The following PIN1 variants were observed in gnomAD, a reference collection of about 807,000 sequenced individuals.
PIN1 encodes peptidyl-prolyl cis-trans isomerase NIMA-interacting 1.
A neutral mutation model predicts 19.9 loss-of-function variants in PIN1; 8 were observed. That is an observed-to-expected ratio of 0.40 (90% CI 0.24 to 0.72). The LOEUF is 0.72. Among genes scored for constraint, PIN1 ranks in the 30% least tolerant of loss-of-function variants. The pLI is 0.37. For synonymous variants in PIN1, 86 were observed against 90.8 expected, an observed-to-expected ratio of 0.95 and a Z score of 0.30; for missense variants, 185 against 226.5, an observed-to-expected ratio of 0.82 and a Z score of 1.18.
In PIN1 at chr19:9,849,330, A is replaced by G. The variant is rs2046252614; in HGVS notation, c.*131A>G. 1.4e-6 allele frequency: 1 copy of G among 739,748 alleles called. No individual in the cohort carries two copies. Among genetic ancestry groups the G allele is most frequent in the Middle Eastern group, 2.3e-4 (1 of 4,438 alleles). The allele number at this position is 739,748 out of a possible 1,614,324, so 45.8% of individuals were successfully genotyped here. The stretch of plus-strand genomic sequence containing the variant: ...TCACACAGTATTTATTGTTCCCACA[A>G]TGGCTGGGAGGGGGCCCTTCCAGAT... On this transcript the variant is annotated 3_prime_UTR_variant, in exon 4 of 4. Transcript: ENST00000247970.
intron 2 of PIN1, among the ~76,000 whole-genome samples, chr19:9,847,705 CAT>C (rs71188842): frequency 0.45 from 67,498 of 151,634 alleles, 16,495 homozygotes; most frequent in Admixed American, 0.56. Context: ...TGTGTGTGTG[CAT>C]GTGTGTGTGC....
chr19:9,846,833 G>A lies in PIN1; in HGVS notation c.272-1197G>A, dbSNP rs1352524741. Among the ~76,000 whole-genome samples, 1 of 152,170 alleles carries A rather than the reference G, an allele frequency of 6.6e-6. No individual in the cohort carries two copies. The highest frequency in any genetic ancestry group is 1.5e-5 in the Non-Finnish European group (1 of 68,008). On this transcript the variant is annotated intron_variant, in intron 2 of 3. Transcript: ENST00000247970. The surrounding 1 kb of genome is among the most constrained non-coding windows in gnomAD (Gnocchi z 5.9). ...GGTAGAAGTGTCAGGGTGACATTAA[G>A]AAACCCCCTACTGAGTGTGTCAGGG...
chr19:9,848,737 G>A, intron 3 of PIN1: 1 of 320,944 alleles, frequency 3.1e-6, no homozygotes, highest in South Asian at 3.6e-5. Flanking sequence ...GCCAGCAGCT[G>A]CCCACCTCCT....
chr19:9,837,407 GC>G (rs1383395930), intron 1 of PIN1: 3 of 156,704 alleles, frequency 1.9e-5, no homozygotes, highest in Non-Finnish European at 4.2e-5. Context: ...ACCTGCCTCA[GC>G]CTCCCAAAGT....
chr19:9,839,521 C>G (rs1351581383), intron 2 of PIN1, among the ~76,000 whole-genome samples: 1 of 152,000 alleles, frequency 6.6e-6, no homozygotes, highest in East Asian at 1.9e-4. Context: ...CCTCTGCAGT[C>G]TGGCACCAAG....
At chr19:9,837,905 G>A (rs2046125713) in intron 1 of PIN1, 1 of 171,434 alleles carries the variant, frequency 5.8e-6, no homozygotes, top group African/African-American at 2.4e-5. Context: ...AAAGTGCTGG[G>A]ATTACAGGTG....
rs1490044541 is a variant in PIN1 at position 9,846,739 on chromosome 19, A to C, written c.272-1291A>C. On this transcript the variant is annotated intron_variant, in intron 2 of 3. Transcript: ENST00000247970. This position sits in a 1 kb window ranked among gnomAD's most constrained non-coding sequence, Gnocchi z 5.9. ...CCAACAGGCTCCAGGCCAGTGTATC[A>C]GCTATGTATGTCCTGGGCAAGTTGG... Among the ~76,000 whole-genome samples the C allele has an allele frequency of 1.3e-5, 2 of 152,062 alleles. No homozygotes were observed. Among genetic ancestry groups the C allele is most frequent in the Non-Finnish European group, 2.9e-5 (2 of 67,978 alleles).
At chr19:9,845,988 A>G (rs926650764) in intron 2 of PIN1, among the ~76,000 whole-genome samples, 1 of 152,036 alleles carries the variant, frequency 6.6e-6, no homozygotes, top group Admixed American at 6.6e-5. Context: ...AGTGGTCCAG[A>G]CAGAAGGGGG....
chr19:9,847,945 G>C, intron 2 of PIN1, 85 bp from the exon 3 acceptor site: 1 of 839,278 alleles, frequency 1.2e-6, no homozygotes, highest in South Asian at 1.3e-5. Flanking sequence ...CTCCCCCGCT[G>C]GCCAGCTCTG....
Position 9,849,662 on chromosome 19 carries a change from C to G in PIN1, c.*463C>G, listed in dbSNP as rs745830137. ...GCAACTGTGCAGCACCCTTTCACCC[C>G]CAATTAAACCCAGAACCACTGCTCT... is the stretch of plus-strand genomic sequence containing the variant. On this transcript the variant is annotated 3_prime_UTR_variant, in exon 4 of 4. Coordinates refer to ENST00000247970, the MANE Select transcript of PIN1 (RefSeq NM_006221.4). 33 of 514,496 alleles carry G rather than the reference C, an allele frequency of 6.4e-5. No individual in the cohort carries two copies. Among genetic ancestry groups the G allele is most frequent in the Admixed American group, 1.2e-4 (6 of 50,814 alleles). 31.9% of individuals were successfully genotyped at this position (514,496 alleles called of 1,614,324 possible).
At position 9,844,439 on chromosome 19, in the gene PIN1, C is replaced by T. The variant is rs943893497; in HGVS notation, c.272-3591C>T. Reference sequence around the variant, plus strand: ...TGGAGTCTGGAGTCAGCACCCATAACATGTCCTCCTGGACCTTGGGGATAC... The same window carrying T: ...TGGAGTCTGGAGTCAGCACCCATAATATGTCCTCCTGGACCTTGGGGATAC... On this transcript the variant is annotated intron_variant, in intron 2 of 3. Transcript: ENST00000247970. 2.6e-5 allele frequency among the ~76,000 whole-genome samples: 4 copies of T among 152,226 alleles called. No individual in the cohort carries two copies. The East Asian group carries it at 7.7e-4, about 29-fold the overall frequency.
chr19:9,838,028 C>T lies in PIN1; in HGVS notation c.59-408C>T. 1 of 305,796 alleles carries T rather than the reference C, an allele frequency of 3.3e-6. No homozygotes were observed. Among genetic ancestry groups the T allele is most frequent in the Non-Finnish European group, 6.4e-6 (1 of 156,402 alleles). 18.9% of individuals were successfully genotyped at this position (305,796 alleles called of 1,614,324 possible). ...ATTTTGCAGGTGAGAACACCAAGGCCCAGGGAAGATATATCACATTTGAAC... is the reference window on the plus strand; with the variant it reads ...ATTTTGCAGGTGAGAACACCAAGGCTCAGGGAAGATATATCACATTTGAAC... On this transcript the variant is annotated intron_variant, in intron 1 of 3. Transcript: ENST00000247970. This position sits in a 1 kb window ranked among gnomAD's most constrained non-coding sequence, Gnocchi z 5.8.
intron 1 of PIN1, chr19:9,835,733 C>T: frequency 2.8e-6 from 1 of 356,792 alleles, no homozygotes; most frequent in Non-Finnish European, 5.0e-6. Context: ...CTTGCTGGGC[C>T]CGGGGGCACC....
chr19:9,849,096 T>TG lies in PIN1; in HGVS notation c.390dup (p.Gln131AlafsTer5). 6.2e-7 allele frequency: 1 copy of TG among 1,612,082 alleles called. No homozygotes were observed. Among genetic ancestry groups the TG allele is most frequent in the Non-Finnish European group, 8.5e-7 (1 of 1,178,286 alleles). On this transcript the variant is annotated frameshift_variant, in exon 4 of 4. Coordinates refer to ENST00000247970, the MANE Select transcript of PIN1 (RefSeq NM_006221.4). LOFTEE classifies it high-confidence loss of function. ...CGCCCCTCCTGGCTCCCAGGTCAGATGCAGAAGCCATTTGAAGACGCCTCG... is the reference window on the plus strand; with the variant it reads ...CGCCCCTCCTGGCTCCCAGGTCAGATGGCAGAAGCCATTTGAAGACGCCTCG...
intron 3 of PIN1, 39 bp from the exon 4 acceptor site, chr19:9,849,051 C>G: frequency 7.1e-7 from 1 of 1,407,198 alleles, no homozygotes; most frequent in African/African-American, 1.4e-5. Flanking sequence ...CCTCTGCCAG[C>G]CCAGCCCTGA....
Position 9,849,535 on chromosome 19 carries a change from G to T in PIN1, c.*336G>T, listed in dbSNP as rs2046255067. 3.2e-6 allele frequency: 2 copies of T among 626,160 alleles called. No homozygotes were observed. Among genetic ancestry groups the T allele is most frequent in the African/African-American group, 3.6e-5 (2 of 55,682 alleles). 38.8% of individuals were successfully genotyped at this position (626,160 alleles called of 1,614,324 possible). ...AGAGCCGCCCCGTGTCCCCCCAGGTGCTGGAGGCAGACTCGAGGGCCGAAT... is the reference window on the plus strand; with the variant it reads ...AGAGCCGCCCCGTGTCCCCCCAGGTTCTGGAGGCAGACTCGAGGGCCGAAT... On this transcript the variant is annotated 3_prime_UTR_variant, in exon 4 of 4. Coordinates refer to ENST00000247970, the MANE Select transcript of PIN1 (RefSeq NM_006221.4).
chr19:9,846,749 G>A lies in PIN1; in HGVS notation c.272-1281G>A, dbSNP rs1168950812. Among the ~76,000 whole-genome samples, 1 of 152,202 alleles carries A rather than the reference G, an allele frequency of 6.6e-6. No individual in the cohort carries two copies. The highest frequency in any genetic ancestry group is 1.9e-4 in the East Asian group (1 of 5,196). On this transcript the variant is annotated intron_variant, in intron 2 of 3. Coordinates refer to ENST00000247970, the MANE Select transcript of PIN1 (RefSeq NM_006221.4). This position sits in a 1 kb window ranked among gnomAD's most constrained non-coding sequence, Gnocchi z 5.9. Reference sequence around the variant, plus strand: ...CCAGGCCAGTGTATCAGCTATGTATGTCCTGGGCAAGTTGGCCGGCAGGTG... The same window carrying A: ...CCAGGCCAGTGTATCAGCTATGTATATCCTGGGCAAGTTGGCCGGCAGGTG...
At chr19:9,845,839 G>A (rs962508624) in intron 2 of PIN1, among the ~76,000 whole-genome samples, 1 of 152,210 alleles carries the variant, frequency 6.6e-6, no homozygotes, top group Non-Finnish European at 1.5e-5. Flanking sequence ...CCCAGCCCTG[G>A]CCGCTGGGGG....
chr19:9,847,600 CG>C lies in PIN1; in HGVS notation c.272-424del, dbSNP rs1366044278. On this transcript the variant is annotated intron_variant, in intron 2 of 3. Coordinates refer to ENST00000247970, the MANE Select transcript of PIN1 (RefSeq NM_006221.4). Reference sequence around the variant, plus strand: ...CTCTCCCACCTCTGCCCAGGGGGCCCGGGGGGCCAGCCCCCTGCCTGGGTCA... The same window carrying C: ...CTCTCCCACCTCTGCCCAGGGGGCCCGGGGGCCAGCCCCCTGCCTGGGTCA... Among the ~76,000 whole-genome samples the C allele has an allele frequency of 2.0e-5, 3 of 152,284 alleles. No homozygotes were observed. In the East Asian group the frequency reaches 5.8e-4, roughly 29 times the overall value.
Sources: allele counts gnomAD v4.1 joint callset (sites outside exome capture counted in the v4.1 genomes callset), GRCh38; gene constraint gnomAD v4.1.1; non-coding constraint Gnocchi (gnomAD v3.1); transcripts MANE v1.5; gene names NCBI Gene and HGNC (gene_info 2026-07-23, HGNC 2026-07-21).